GALNT13: variants seen among roughly 807,000 people sequenced by gnomAD.
GALNT13 encodes polypeptide N-acetylgalactosaminyltransferase 13, also known as UDP-GalNAc:polypeptide N-acetylgalactosaminyltransferase 13.
GALNT13 carries 28 observed loss-of-function variants against 64.2 expected under a neutral mutation model. The ratio of observed to expected loss-of-function variants is 0.44; its 90% CI spans 0.32 to 0.60. The LOEUF (loss-of-function observed/expected upper bound fraction) is 0.60, where lower values mean the gene tolerates loss of function less well. Ranked by LOEUF, GALNT13 falls within the 20% of genes least tolerant of loss-of-function variation. The pLI is 0.05. For synonymous variants in GALNT13, 214 were observed against 224.6 expected (o/e 0.95, Z 0.42); for missense variants, 577 against 669.8 (o/e 0.86, Z 1.53).
the GALNT13 span, among the ~76,000 whole-genome samples, chr2:153,222,744 G>A: frequency 6.6e-6 from 1 of 152,172 alleles, no homozygotes; most frequent in Non-Finnish European, 1.5e-5. Context: ...CGGAACTTGC[G>A]CATACCCGGG....
chr2:153,737,547 C>A, the GALNT13 span, among the ~76,000 whole-genome samples: 1 of 151,980 alleles, frequency 6.6e-6, no homozygotes, highest in African/African-American at 2.4e-5. Context: ...AGATTTTCTT[C>A]TTCCTTACTT....
At chr2:153,772,758 C>G in the GALNT13 span, among the ~76,000 whole-genome samples, 4 of 152,292 alleles carry the variant, frequency 2.6e-5, no homozygotes, top group African/African-American at 7.2e-5. Context: ...TAGAGACAGC[C>G]ACTCCTCTGG....
At chr2:153,992,143 G>T (rs1192822066) in intron 3 of GALNT13, among the ~76,000 whole-genome samples, 4 of 152,024 alleles carry the variant, frequency 2.6e-5, no homozygotes, top group Admixed American at 6.6e-5. Flanking sequence ...ATGTTTTTAT[G>T]TTATGTTTTC....
the GALNT13 span, among the ~76,000 whole-genome samples, chr2:153,539,323 T>C: frequency 7.7e-4 from 117 of 152,126 alleles, 1 homozygote; most frequent in Middle Eastern, 3.4e-3. Flanking sequence ...TTGCGAAAAT[T>C]TTCTCCCATT....
chr2:154,196,224 C>CAA (rs139596692), intron 4 of GALNT13, among the ~76,000 whole-genome samples: 2 of 130,634 alleles, frequency 1.5e-5, no homozygotes, highest in Admixed American at 7.8e-5. Context: ...ATCTGATACT[C>CAA]AAAAAAAAAA....
At chr2:154,437,020 G>A (rs551867465) in intron 11 of GALNT13, 3 of 152,310 alleles carry the variant, frequency 2.0e-5, no homozygotes, top group East Asian at 1.9e-4. Flanking sequence ...AGCCTCCCAA[G>A]TAGTGGGGAC....
chr2:154,445,682 T>A, intron 12 of GALNT13: 1 of 446,752 alleles, frequency 2.2e-6, no homozygotes, highest in Non-Finnish European at 3.7e-6. Flanking sequence ...CTGTGGAAGA[T>A]AAATCCTTGA....
chr2:153,378,309 TAA>T, the GALNT13 span, among the ~76,000 whole-genome samples: 2,106 of 136,270 alleles, frequency 0.015, 41 homozygotes, highest in African/African-American at 0.059. Flanking sequence ...GATAGATAGA[TAA>T]TTTTTTTTTT....
chr2:153,446,042 C>G, the GALNT13 span, among the ~76,000 whole-genome samples: 6 of 151,962 alleles, frequency 3.9e-5, no homozygotes, highest in Non-Finnish European at 7.4e-5. Context: ...ACAGCCATCT[C>G]TATATATAAA....
chr2:154,395,934 A>T (rs1442165113), intron 9 of GALNT13, 57 bp from the exon 10 acceptor site: 7 of 1,476,078 alleles, frequency 4.7e-6, no homozygotes, highest in Non-Finnish European at 6.3e-6. Flanking sequence ...AATGTAGTAA[A>T]ACAGTACTAA....
At chr2:153,803,351 A>G in the GALNT13 span, among the ~76,000 whole-genome samples, 64,592 of 151,980 alleles carry the variant, frequency 0.43, 14,698 homozygotes, top group Admixed American at 0.58. Flanking sequence ...AGCTTAAATG[A>G]GGTCAATAAG....
chr2:153,825,608 CTGTGTG>C, the GALNT13 span, among the ~76,000 whole-genome samples: 955 of 134,844 alleles, frequency 7.1e-3, 5 homozygotes, highest in Middle Eastern at 0.023. Context: ...TCCATGAGTG[CTGTGTG>C]TGTGTGTGTG....
chr2:153,309,367 C>T, the GALNT13 span, among the ~76,000 whole-genome samples: 1 of 152,132 alleles, frequency 6.6e-6, no homozygotes, highest in South Asian at 2.1e-4. Flanking sequence ...ATGTACAAGT[C>T]CTGTCCCCTT....
chr2:154,139,016 T>C (rs976462334), intron 3 of GALNT13, among the ~76,000 whole-genome samples: 5 of 152,078 alleles, frequency 3.3e-5, no homozygotes, highest in Non-Finnish European at 5.9e-5. Context: ...TTTTTCTATA[T>C]TCAATGTTTC....
At chr2:153,107,298 A>G in the GALNT13 span, among the ~76,000 whole-genome samples, 1 of 152,190 alleles carries the variant, frequency 6.6e-6, no homozygotes, top group Non-Finnish European at 1.5e-5. Context: ...TTGTGGTCCC[A>G]TCCAGATCTG....
At chr2:153,206,027 G>A in the GALNT13 span, among the ~76,000 whole-genome samples, 5 of 151,760 alleles carry the variant, frequency 3.3e-5, no homozygotes, top group African/African-American at 1.2e-4. Flanking sequence ...AAAAAATTTT[G>A]TCCTGCTGGG....
the GALNT13 span, among the ~76,000 whole-genome samples, chr2:153,772,713 T>C: frequency 6.6e-6 from 1 of 152,226 alleles, no homozygotes; most frequent in Non-Finnish European, 1.5e-5. Context: ...TGATCCCTTA[T>C]AGTCTTCAAG....
At chr2:153,294,849 T>A in the GALNT13 span, among the ~76,000 whole-genome samples, 7 of 152,176 alleles carry the variant, frequency 4.6e-5, no homozygotes, top group South Asian at 8.3e-4. Context: ...TTTTTTCTAC[T>A]AGTTGGAGAG....
intron 4 of GALNT13, among the ~76,000 whole-genome samples, chr2:154,153,973 G>A (rs1684240280): frequency 6.6e-6 from 1 of 152,194 alleles, no homozygotes; most frequent in South Asian, 2.1e-4. Context: ...TCCCTAGTGA[G>A]ATGAACCCGG....
Sources: allele counts gnomAD v4.1 joint callset (sites outside exome capture counted in the v4.1 genomes callset), GRCh38; gene constraint gnomAD v4.1.1; transcripts MANE v1.5; gene names NCBI Gene and HGNC (gene_info 2026-07-23, HGNC 2026-07-21).